Variants in TECTA observed in about 807,000 individuals in gnomAD.
TECTA encodes alpha-tectorin.
A neutral mutation model predicts 216.8 loss-of-function variants in TECTA; 128 were observed. That is an observed-to-expected ratio of 0.59 (90% CI 0.51 to 0.68). The LOEUF (loss-of-function observed/expected upper bound fraction) is 0.68. Ranked by LOEUF, TECTA falls within the 30% of genes least tolerant of loss-of-function variation. The probability of loss-of-function intolerance (pLI) is 0.00; values close to 1 mark genes in which losing one functional copy is unlikely to be tolerated. For synonymous variants in TECTA, 1,089 were observed against 1,117.1 expected (o/e 0.97, Z 0.50); for missense variants, 2,551 against 2,786.2 (o/e 0.92, Z 1.90).
chr11:121,118,646 G>C lies in TECTA; in HGVS notation c.1131G>C (p.Trp377Cys), dbSNP rs754443151. 6.2e-7 allele frequency: 1 copy of C among 1,614,052 alleles called. No homozygotes were observed. The highest frequency in any genetic ancestry group is 8.5e-7 in the Non-Finnish European group (1 of 1,179,980). Residue 377 changes from tryptophan (W) to cysteine (C), a missense_variant, in exon 7 of 24, where the codon TGG becomes TGC. Physicochemically the swap from Trp to Cys is radical, Grantham distance 215. Transcript: ENST00000392793. The part of the protein sequence containing the change: ...NEHRRGSAVS[W>C]VKELSVEVNG... ...ACCGCAGAGGTTCAGCCGTCTCCTGGGTGAAGGAGCTCTCAGTGGAGGTGA... is the reference window on the plus strand; with the variant it reads ...ACCGCAGAGGTTCAGCCGTCTCCTGCGTGAAGGAGCTCTCAGTGGAGGTGA...
intron 12 of TECTA, among the ~76,000 whole-genome samples, chr11:121,151,428 T>C (rs1946888362): frequency 1.3e-5 from 2 of 152,220 alleles, no homozygotes; most frequent in Admixed American, 1.3e-4. Context: ...AATTTGAGGC[T>C]AAATGGAATG....
At chr11:121,183,572 C>T (rs375292357) in intron 20 of TECTA, among the ~76,000 whole-genome samples, 1 of 152,138 alleles carries the variant, frequency 6.6e-6, no homozygotes, top group African/African-American at 2.4e-5. Context: ...CTCGGAGATC[C>T]TCTGTCCCTC....
chr11:121,134,043 T>G (rs1178447125), intron 10 of TECTA, among the ~76,000 whole-genome samples: 1 of 152,206 alleles, frequency 6.6e-6, no homozygotes, highest in East Asian at 1.9e-4. Context: ...TTAAAATTGC[T>G]CTGGATTGGC....
At chr11:121,179,263 A>C (rs1947201383) in intron 20 of TECTA, among the ~76,000 whole-genome samples, 1 of 151,878 alleles carries the variant, frequency 6.6e-6, no homozygotes, top group Non-Finnish European at 1.5e-5. Flanking sequence ...ATTTTTTTTA[A>C]ATCTCCTTCT....
At chr11:121,146,402 C>A (rs553117496) in intron 12 of TECTA, 2 of 481,920 alleles carry the variant, frequency 4.2e-6, no homozygotes, top group African/African-American at 4.4e-5. Flanking sequence ...GGCACTTGGA[C>A]GCACAAAGTT....
intron 20 of TECTA, among the ~76,000 whole-genome samples, chr11:121,169,417 C>G (rs1050016306): frequency 2.0e-5 from 3 of 152,094 alleles, no homozygotes; most frequent in African/African-American, 7.2e-5. Context: ...AACAGTGATA[C>G]ACAACAAAAA....
At chr11:121,171,718 C>G (rs1442128182) in intron 20 of TECTA, among the ~76,000 whole-genome samples, 1 of 151,944 alleles carries the variant, frequency 6.6e-6, no homozygotes, top group Non-Finnish European at 1.5e-5. Flanking sequence ...GCTGCTAGTT[C>G]ATTATTGGTG....
intron 13 of TECTA, among the ~76,000 whole-genome samples, chr11:121,156,935 T>C (rs937170829): frequency 6.6e-6 from 1 of 152,188 alleles, no homozygotes; most frequent in Non-Finnish European, 1.5e-5. Flanking sequence ...GTTCCTTTCA[T>C]GGACCCCAGG....
chr11:121,129,736 G>A lies in TECTA; in HGVS notation c.2466G>A (p.Val822=). 6.2e-7 allele frequency: 1 copy of A among 1,614,212 alleles called. No individual in the cohort carries two copies. The highest frequency in any genetic ancestry group is 8.5e-7 in the Non-Finnish European group (1 of 1,180,026). ...KNSTTVESKG[V]VTVQYSDIGL... is the part of the protein sequence containing the mutation. ...GTACGACAGTGGAGTCCAAGGGCGTGGTGACTGTCCAGTACTCAGACATAG... is the reference window on the plus strand; with the variant it reads ...GTACGACAGTGGAGTCCAAGGGCGTAGTGACTGTCCAGTACTCAGACATAG... Residue 822 remains valine (V), a synonymous_variant, in exon 10 of 24, where the codon GTG becomes GTA. Coordinates refer to ENST00000392793, the MANE Select transcript of TECTA (RefSeq NM_005422.4).
chr11:121,115,715 G>A (rs576004625), intron 6 of TECTA, among the ~76,000 whole-genome samples: 3 of 152,268 alleles, frequency 2.0e-5, no homozygotes, highest in South Asian at 4.1e-4. Context: ...GAACAGTGTC[G>A]TGGTCATAGC....
intron 9 of TECTA, among the ~76,000 whole-genome samples, chr11:121,128,988 TC>T (rs1946644582): frequency 6.6e-6 from 1 of 152,206 alleles, no homozygotes; most frequent in African/African-American, 2.4e-5. Context: ...TAAGTGAAGG[TC>T]CCACAGCTAA....
At chr11:121,144,966 C>T (rs1946819727) in intron 11 of TECTA, among the ~76,000 whole-genome samples, 1 of 152,090 alleles carries the variant, frequency 6.6e-6, no homozygotes. Context: ...AATAACCTGC[C>T]CTGGTTACCC....
intron 10 of TECTA, among the ~76,000 whole-genome samples, chr11:121,137,139 C>T (rs1946735520): frequency 6.6e-6 from 1 of 152,210 alleles, no homozygotes; most frequent in African/African-American, 2.4e-5. Context: ...CACATGCACA[C>T]ACACGTGCAC....
chr11:121,178,277 C>T (rs183485627), intron 20 of TECTA, among the ~76,000 whole-genome samples: 20 of 152,342 alleles, frequency 1.3e-4, no homozygotes, highest in Admixed American at 4.6e-4. Flanking sequence ...GCGTCGCTCA[C>T]GCTGGGAGCT....
chr11:121,109,189 A>G, intron 3 of TECTA, 22 bp from the exon 4 acceptor site: 3 of 1,613,950 alleles, frequency 1.9e-6, no homozygotes, highest in Non-Finnish European at 2.5e-6. Context: ...TCCACTGTGC[A>G]AAACCTCTCT....
intron 22 of TECTA, 50 bp from the exon 23 acceptor site, chr11:121,189,714 T>A (rs200608659): frequency 2.4e-4 from 376 of 1,538,396 alleles, no homozygotes; most frequent in Non-Finnish European, 3.2e-4. Context: ...TCAATACCAG[T>A]GGAAGGGTTG....
At chr11:121,133,023 C>T (rs1183659179) in intron 10 of TECTA, among the ~76,000 whole-genome samples, 6 of 152,160 alleles carry the variant, frequency 3.9e-5, no homozygotes, top group African/African-American at 1.2e-4. Context: ...TGAGCCACCA[C>T]GCCCGGCCAG....
intron 9 of TECTA, among the ~76,000 whole-genome samples, chr11:121,129,342 G>A (rs559926111): frequency 1.3e-5 from 2 of 152,380 alleles, no homozygotes; most frequent in African/African-American, 2.4e-5. Context: ...CAGGCGGCAG[G>A]AGGGAGCCAC....
intron 11 of TECTA, among the ~76,000 whole-genome samples, chr11:121,140,494 G>A (rs945728966): frequency 2.0e-5 from 3 of 152,192 alleles, no homozygotes; most frequent in African/African-American, 7.2e-5. Flanking sequence ...AGGTGGAGAG[G>A]GGAGGTGTGA....
Sources: allele counts gnomAD v4.1 joint callset (sites outside exome capture counted in the v4.1 genomes callset), GRCh38; gene constraint gnomAD v4.1.1; transcripts MANE v1.5; gene names NCBI Gene and HGNC (gene_info 2026-07-23, HGNC 2026-07-21).